THSD4: variants seen among roughly 807,000 people sequenced by gnomAD.
THSD4 encodes thrombospondin type-1 domain-containing protein 4.
In THSD4, 69 loss-of-function variants were observed where a neutral mutation model predicts 119.0. That is an observed-to-expected ratio of 0.58 (90% CI 0.48 to 0.71). The LOEUF is 0.71. THSD4 is among the 30% of genes least tolerant of loss of function. The probability of loss-of-function intolerance (pLI) is 0.00; values close to 1 mark genes in which losing one functional copy is unlikely to be tolerated. For synonymous variants in THSD4, 524 were observed against 540.4 expected (o/e 0.97, Z 0.42); for missense variants, 1,393 against 1,391.1 (o/e 1.00, Z -0.02).
intron 6 of THSD4, among the ~76,000 whole-genome samples, chr15:71,346,991 C>T (rs1004917347): frequency 6.7e-6 from 1 of 150,192 alleles, no homozygotes; most frequent in South Asian, 2.1e-4. Context: ...CTCCTGCCTC[C>T]GCTTCCTGAG....
At chr15:71,700,570 A>G (rs2141069903) in intron 8 of THSD4, among the ~76,000 whole-genome samples, 1 of 152,256 alleles carries the variant, frequency 6.6e-6, no homozygotes, top group Admixed American at 6.5e-5. Context: ...GAATCACCTG[A>G]TTTTAAAATT....
intron 7 of THSD4, among the ~76,000 whole-genome samples, chr15:71,432,848 AAAT>A (rs1488286883): frequency 6.6e-6 from 1 of 151,964 alleles, no homozygotes; most frequent in Non-Finnish European, 1.5e-5. Flanking sequence ...AAAGTAGACA[AAAT>A]AATCTTTTTA....
At chr15:71,519,166 A>G (rs2048402451) in intron 7 of THSD4, among the ~76,000 whole-genome samples, 2 of 152,128 alleles carry the variant, frequency 1.3e-5, no homozygotes, top group Non-Finnish European at 2.9e-5. Flanking sequence ...CAGAGGAAAC[A>G]GCAAGCGCAA....
chr15:71,389,491 A>G (rs1203141331), intron 6 of THSD4, among the ~76,000 whole-genome samples: 1 of 148,572 alleles, frequency 6.7e-6, no homozygotes, highest in Non-Finnish European at 1.5e-5. Flanking sequence ...AGGCTGAATG[A>G]TATTCCACTG....
chr15:71,569,269 A>G (rs2049303550), intron 7 of THSD4, among the ~76,000 whole-genome samples: 1 of 152,178 alleles, frequency 6.6e-6, no homozygotes, highest in Non-Finnish European at 1.5e-5. Context: ...TTCAAGGGAA[A>G]TGTTAAGTCA....
chr15:71,376,300 A>G (rs2046135924), intron 6 of THSD4, among the ~76,000 whole-genome samples: 1 of 152,134 alleles, frequency 6.6e-6, no homozygotes, highest in Admixed American at 6.5e-5. Context: ...TCTGATCTTC[A>G]TGCTCTGAAT....
chr15:71,534,676 T>A (rs537311858), intron 7 of THSD4, among the ~76,000 whole-genome samples: 4,236 of 152,326 alleles, frequency 0.028, 90 homozygotes, highest in Non-Finnish European at 0.039. Context: ...GCCTACTTTT[T>A]AAACAGCATA....
intron 7 of THSD4, among the ~76,000 whole-genome samples, chr15:71,640,855 A>G (rs1411623085): frequency 6.6e-6 from 1 of 152,136 alleles, no homozygotes; most frequent in Admixed American, 6.6e-5. Flanking sequence ...GATGTAACAT[A>G]TGCCACTTTT....
intron 7 of THSD4, among the ~76,000 whole-genome samples, chr15:71,658,901 C>G (rs5001849): frequency 6.6e-6 from 1 of 151,870 alleles, no homozygotes; most frequent in East Asian, 1.9e-4. Flanking sequence ...GCAATAATGC[C>G]CAAGGGCAGT....
At chr15:71,177,966 A>G (rs1344781786) in intron 3 of THSD4, among the ~76,000 whole-genome samples, 3 of 106,804 alleles carry the variant, frequency 2.8e-5, no homozygotes, top group Admixed American at 1.1e-4. Flanking sequence ...CTCTCAATAA[A>G]TTAGGTATTG....
In THSD4 at chr15:71,724,266, G is replaced by GATATATATATATATATATATAT. The variant is rs144736427; in HGVS notation, c.1358-4282_1358-4261dup. Among the ~76,000 whole-genome samples the GATATATATATATATATATATAT allele has an allele frequency of 4.0e-4, 30 of 74,582 alleles. 1 individual carries two copies. The highest frequency in any genetic ancestry group is 7.2e-4 in the Non-Finnish European group (23 of 31,916). 48.9% of individuals were successfully genotyped at this position (74,582 alleles called of 152,430 possible). A position where few individuals can be genotyped will look rare whatever the true frequency, so the allele number is the denominator to read the frequency against. ...CTGGGGGAGGAGGCCTCTATGATGG[G>GATATATATATATATATATATAT]ATATATATATATATATATATATTTT... is the stretch of plus-strand genomic sequence containing the variant. On this transcript the variant is annotated intron_variant, in intron 8 of 17. Coordinates refer to ENST00000261862, the MANE Select transcript of THSD4 (RefSeq NM_024817.3).
intron 1 of THSD4, among the ~76,000 whole-genome samples, chr15:71,137,249 G>A (rs904340776): frequency 6.6e-6 from 1 of 152,054 alleles, no homozygotes; most frequent in Non-Finnish European, 1.5e-5. Context: ...CTTGCCAGAC[G>A]GATATTTGGG....
At position 71,540,135 on chromosome 15, in the gene THSD4, C is replaced by CTT. The variant is rs35668266; in HGVS notation, c.1153-120376_1153-120375dup. Among the ~76,000 whole-genome samples the CTT allele has an allele frequency of 1.2e-3, 112 of 95,134 alleles. 2 individuals are homozygous for CTT. Among genetic ancestry groups the CTT allele is most frequent in the Middle Eastern group, 6.2e-3 (1 of 162 alleles). 62.4% of individuals were successfully genotyped at this position (95,134 alleles called of 152,430 possible). On this transcript the variant is annotated intron_variant, in intron 7 of 17. Coordinates refer to ENST00000261862, the MANE Select transcript of THSD4 (RefSeq NM_024817.3). ...TACAACCATTATTTCATTTTATTTA[C>CTT]TTTTTTTTTTTTTTTTTTTTGAGAT...
intron 7 of THSD4, among the ~76,000 whole-genome samples, chr15:71,515,925 G>T (rs187110398): frequency 1.3e-5 from 2 of 152,210 alleles, no homozygotes; most frequent in East Asian, 1.9e-4. Context: ...ATGACCTGGG[G>T]GTTGCTCCCC....
At chr15:71,149,382 A>G (rs1459276135) in intron 2 of THSD4, among the ~76,000 whole-genome samples, 2 of 152,078 alleles carry the variant, frequency 1.3e-5, no homozygotes, top group African/African-American at 4.8e-5. Context: ...AGTAGCTGGG[A>G]TTACAGGCAC....
At chr15:71,621,496 GAAAAA>G (rs1012355747) in intron 7 of THSD4, among the ~76,000 whole-genome samples, 1 of 150,378 alleles carries the variant, frequency 6.6e-6, no homozygotes, top group Non-Finnish European at 1.5e-5. Context: ...GCATTTTGGA[GAAAAA>G]AAAAGGTAGT....
At chr15:71,189,123 G>C (rs144237784) in intron 3 of THSD4, 1 of 152,332 alleles carries the variant, frequency 6.6e-6, no homozygotes, top group South Asian at 2.1e-4. Flanking sequence ...ACCCAGTCTC[G>C]TGAGATCAGA....
In THSD4 at chr15:71,371,530, G is replaced by A. The variant is rs573480698; in HGVS notation, c.1016-40157G>A. 1.6e-4 allele frequency among the ~76,000 whole-genome samples: 24 copies of A among 152,134 alleles called. No individual in the cohort carries two copies. The South Asian group carries it at 4.4e-3, about 28-fold the overall frequency. On this transcript the variant is annotated intron_variant, in intron 6 of 17. Coordinates refer to ENST00000261862, the MANE Select transcript of THSD4 (RefSeq NM_024817.3). ...CTGTAAAGGATTTTATTTCTCCTTG[G>A]CTTATGAAGCTTAGTTTGGCTGGAT...
chr15:71,374,119 A>G (rs763353058), intron 6 of THSD4, among the ~76,000 whole-genome samples: 3 of 152,178 alleles, frequency 2.0e-5, no homozygotes, highest in Admixed American at 6.5e-5. Flanking sequence ...CCTCTTCCAA[A>G]GTGATGCAAA....
Sources: allele counts gnomAD v4.1 joint callset (sites outside exome capture counted in the v4.1 genomes callset), GRCh38; gene constraint gnomAD v4.1.1; transcripts MANE v1.5; gene names NCBI Gene and HGNC (gene_info 2026-07-23, HGNC 2026-07-21).